The following AP1B1 variants were observed in gnomAD, a reference collection of about 807,000 sequenced individuals.
AP1B1 encodes the protein adaptor related protein complex 1 subunit beta 1, also known as AP-1 complex subunit beta-1.
AP1B1 carries 36 observed loss-of-function variants against 104.3 expected under a neutral mutation model. That is an observed-to-expected ratio of 0.35 (90% CI 0.26 to 0.46). The LOEUF (loss-of-function observed/expected upper bound fraction) is 0.46. Among genes scored for constraint, AP1B1 ranks in the 20% least tolerant of loss-of-function variants. AP1B1 has a pLI of 1.00. For synonymous variants in AP1B1, 504 were observed against 517.5 expected, an observed-to-expected ratio of 0.97 and a Z score of 0.35; for missense variants, 901 against 1,247.9, an observed-to-expected ratio of 0.72 and a Z score of 4.19.
At chr22:29,357,268 A>G (rs557416510) in intron 5 of AP1B1, among the ~76,000 whole-genome samples, 1 of 152,054 alleles carries the variant, frequency 6.6e-6, no homozygotes, top group East Asian at 1.9e-4. Flanking sequence ...GGGTTTCGCC[A>G]TGTTGGCCAG....
At chr22:29,329,267 C>A in intron 22 of AP1B1, 3 of 1,151,240 alleles carry the variant, frequency 2.6e-6, no homozygotes, top group Non-Finnish European at 3.2e-6. Flanking sequence ...ACAGAAAATC[C>A]CGAGGGGGTG....
intron 6 of AP1B1, among the ~76,000 whole-genome samples, chr22:29,355,748 T>C (rs1048727671): frequency 6.6e-6 from 1 of 150,924 alleles, no homozygotes; most frequent in Non-Finnish European, 1.5e-5. Flanking sequence ...ATATAAAAAT[T>C]AGCTGCTCAT....
At chr22:29,372,741 AT>A (rs2062262056) in intron 1 of AP1B1, among the ~76,000 whole-genome samples, 1 of 152,208 alleles carries the variant, frequency 6.6e-6, no homozygotes, top group Non-Finnish European at 1.5e-5. Flanking sequence ...ATATCTAAAT[AT>A]AATTTTAGGA....
Position 29,328,856 on chromosome 22 carries a change from C to A in AP1B1, c.2815G>T (p.Val939Leu), listed in dbSNP as rs375110004. ...AGGATGGTCTCGTAGGCCTGGTACA[C>A]GTGCTGGGACACCTCTGGTGCTCGA... ...KCRAPEVSQH[V>L]YQAYETILKN Residue 939 changes from valine (V) to leucine (L), a missense_variant, in exon 23 of 23, where the codon GTG becomes TTG. Around this residue, in one of 3 missense-constraint regions of AP1B1, gnomAD observed 424 missense variants for 494.0 expected, o/e 0.86. Coordinates refer to ENST00000357586, the MANE Select transcript of AP1B1 (RefSeq NM_001127.4). The surrounding 1 kb of genome is among the most constrained non-coding windows in gnomAD (Gnocchi z 4.1). The A allele has an allele frequency of 6.2e-7, 1 of 1,609,446 alleles. No individual in the cohort carries two copies. Among genetic ancestry groups the A allele is most frequent in the Non-Finnish European group, 8.5e-7 (1 of 1,179,176 alleles).
Position 29,331,891 on chromosome 22 carries a change from G to T in AP1B1, c.2335C>A (p.Leu779Ile), listed in dbSNP as rs776653588. 5.0e-6 allele frequency: 8 copies of T among 1,611,126 alleles called. No individual in the cohort carries two copies. The highest frequency in any genetic ancestry group is 4.5e-5 in the East Asian group (2 of 44,766). ...NSFGLAPAAP[L>I]QVHAPLSPNQ... ...GGGCTGAGTGGCGCGTGGACCTGGA[G>T]GGGGGCGGCGGGGGCCAGGCCAAAG... Residue 779 changes from leucine (L) to isoleucine (I), a missense_variant, in exon 18 of 23, where the codon CTC becomes ATC. Leu to Ile is a conservative substitution (Grantham distance 5). Coordinates refer to ENST00000357586, the MANE Select transcript of AP1B1 (RefSeq NM_001127.4).
intron 22 of AP1B1, 147 bp downstream of exon 22, chr22:29,329,565 C>T: frequency 4.0e-6 from 6 of 1,511,066 alleles, no homozygotes; most frequent in Non-Finnish European, 5.3e-6. Context: ...GGTGTCAGCA[C>T]CTCAATCAGG....
At chr22:29,339,882 G>C in intron 14 of AP1B1, 108 bp from the exon 15 acceptor site, 13 of 1,155,170 alleles carry the variant, frequency 1.1e-5, no homozygotes, top group African/African-American at 1.5e-5. Context: ...AGGGAGATTA[G>C]TCAACGGTAG....
chr22:29,345,900 G>A (rs1296064421), intron 11 of AP1B1, among the ~76,000 whole-genome samples: 1 of 152,040 alleles, frequency 6.6e-6, no homozygotes, highest in Non-Finnish European at 1.5e-5. Context: ...GGTCAGGCTG[G>A]TCTCAAACTC....
At chr22:29,351,614 G>A in intron 8 of AP1B1, 91 bp downstream of exon 8, 4 of 1,522,628 alleles carry the variant, frequency 2.6e-6, no homozygotes. Context: ...CGTTAATGGT[G>A]AGACTGGTCA....
intron 11 of AP1B1, among the ~76,000 whole-genome samples, chr22:29,346,144 TA>T (rs1569155962): frequency 6.6e-6 from 1 of 152,228 alleles, no homozygotes; most frequent in Non-Finnish European, 1.5e-5. Flanking sequence ...TGAGTTCAAG[TA>T]ACTGTGCTCC....
chr22:29,352,986 TC>T (rs1260126839), intron 7 of AP1B1, among the ~76,000 whole-genome samples: 1 of 152,096 alleles, frequency 6.6e-6, no homozygotes, highest in Non-Finnish European at 1.5e-5. Flanking sequence ...TCATTGTTCC[TC>T]CCTCAAAGGC....
intron 11 of AP1B1, among the ~76,000 whole-genome samples, chr22:29,345,173 C>T (rs2061772747): frequency 6.6e-6 from 1 of 150,942 alleles, no homozygotes; most frequent in Non-Finnish European, 1.5e-5. Context: ...ATCCTCCCAC[C>T]TAGGCCTCCC....
At chr22:29,375,849 G>A (rs1487631034) in intron 1 of AP1B1, among the ~76,000 whole-genome samples, 1 of 152,200 alleles carries the variant, frequency 6.6e-6, no homozygotes, top group Admixed American at 6.5e-5. Context: ...GGAAAGAAGG[G>A]TGGGAGGCCT....
chr22:29,332,797 G>C (rs1487263298), intron 17 of AP1B1, among the ~76,000 whole-genome samples: 1 of 152,170 alleles, frequency 6.6e-6, no homozygotes, highest in African/African-American at 2.4e-5. Flanking sequence ...GAGACCATTT[G>C]GGGAACCCCA....
intron 12 of AP1B1, 81 bp from the exon 13 acceptor site, chr22:29,341,841 G>A (rs957635492): frequency 5.3e-6 from 8 of 1,497,112 alleles, no homozygotes; most frequent in Non-Finnish European, 7.2e-6. Context: ...CCATGAGCCA[G>A]GTGCGGCACA....
intron 10 of AP1B1, 38 bp from the exon 11 acceptor site, chr22:29,349,421 A>G: frequency 6.2e-7 from 1 of 1,605,154 alleles, no homozygotes; most frequent in Non-Finnish European, 8.5e-7. Flanking sequence ...GGAGCCCTCA[A>G]GGAGAACGGG....
Position 29,339,008 on chromosome 22 carries a change from T to G in AP1B1, c.2145A>C (p.Ser715=), listed in dbSNP as rs772432076. 4.0e-5 allele frequency: 65 copies of G among 1,614,016 alleles called. No individual in the cohort carries two copies. The highest frequency in any genetic ancestry group is 3.3e-4 in the Middle Eastern group (2 of 6,084). The change falls in exon 16 of 23, where the codon TCA becomes TCC. Residue 715 remains serine, a synonymous_variant. Coordinates refer to ENST00000357586, the MANE Select transcript of AP1B1 (RefSeq NM_001127.4). ...GACTTACTGCTTTGGGGGCCACATATGATCCTGACAGGGTGCCCACGCCAC... is the reference window on the plus strand; with the variant it reads ...GACTTACTGCTTTGGGGGCCACATAGGATCCTGACAGGGTGCCCACGCCAC... ...LTSGVGTLSG[S]YVAPKAVWLP... is the part of the protein sequence containing the mutation.
At chr22:29,330,879 G>T (rs997448122) in intron 19 of AP1B1, among the ~76,000 whole-genome samples, 170 bp from the exon 20 acceptor site, 4 of 152,192 alleles carry the variant, frequency 2.6e-5, no homozygotes, top group Non-Finnish European at 4.4e-5. Context: ...TCCGCTCTGT[G>T]AGGGAGGCCC....
intron 16 of AP1B1, among the ~76,000 whole-genome samples, chr22:29,335,685 C>T (rs1044866599): frequency 2.6e-5 from 4 of 152,192 alleles, no homozygotes; most frequent in Non-Finnish European, 5.9e-5. Context: ...ATGGCCTCCA[C>T]GGGCCTTGGC....
Sources: gnomAD v4.1 joint callset for allele counts (sites outside exome capture counted in the v4.1 genomes callset) on GRCh38, gnomAD v4.1.1 for gene constraint, gnomAD v4.1.1 regional missense constraint, Gnocchi (gnomAD v3.1) non-coding constraint, MANE v1.5 for transcripts, NCBI Gene and HGNC (gene_info 2026-07-23, HGNC 2026-07-21) for gene names.